The following TRPM3 variants were observed in gnomAD, a reference collection of about 807,000 sequenced individuals.
TRPM3 encodes the protein long transient receptor potential channel 3.
Under a neutral mutation model 181.2 loss-of-function variants are expected in TRPM3, and 77 were observed. The observed-to-expected ratio is 0.42, with a 90% CI of 0.35 to 0.51. The LOEUF (loss-of-function observed/expected upper bound fraction) is 0.51, where lower values mean the gene tolerates loss of function less well. Ranked by LOEUF, TRPM3 falls within the 20% of genes least tolerant of loss-of-function variation. TRPM3 has a pLI of 0.01. For synonymous variants in TRPM3, 745 were observed against 796.4 expected (o/e 0.94, Z 1.09); for missense variants, 1,759 against 2,196.7 (o/e 0.80, Z 3.98).
At chr9:71,046,418 T>A (rs1249519360) in intron 1 of TRPM3, among the ~76,000 whole-genome samples, 1 of 152,160 alleles carries the variant, frequency 6.6e-6, no homozygotes, top group African/African-American at 2.4e-5. Context: ...AACTTTTAAA[T>A]AAGTAAAGGC....
intron 1 of TRPM3, among the ~76,000 whole-genome samples, chr9:71,218,377 G>A (rs1452747871): frequency 2.6e-5 from 4 of 152,158 alleles, no homozygotes; most frequent in African/African-American, 9.7e-5. Context: ...GTATTAGGTA[G>A]ATATATTTTT....
At chr9:70,951,584 C>T (rs1428773256) in intron 1 of TRPM3, among the ~76,000 whole-genome samples, 3 of 152,096 alleles carry the variant, frequency 2.0e-5, no homozygotes, top group African/African-American at 4.8e-5. Context: ...TCAGGTGATC[C>T]GACTGCCTTG....
At chr9:71,336,737 A>T (rs1485490539) in intron 1 of TRPM3, among the ~76,000 whole-genome samples, 2 of 152,216 alleles carry the variant, frequency 1.3e-5, no homozygotes, top group African/African-American at 4.8e-5. Flanking sequence ...ACAGCATGGT[A>T]CTGGTACCAA....
intron 22 of TRPM3, among the ~76,000 whole-genome samples, chr9:70,565,139 T>G (rs2050211740): frequency 1.3e-5 from 2 of 152,214 alleles, no homozygotes; most frequent in African/African-American, 4.8e-5. Context: ...AAATGTATGC[T>G]GCATATGAAC....
At chr9:70,935,269 G>A (rs992581979) in intron 1 of TRPM3, among the ~76,000 whole-genome samples, 1 of 152,096 alleles carries the variant, frequency 6.6e-6, no homozygotes, top group Non-Finnish European at 1.5e-5. Context: ...TGTTTAATGA[G>A]TCTGCCAGTC....
chr9:71,064,211 T>C (rs563159917), intron 1 of TRPM3, among the ~76,000 whole-genome samples: 116 of 152,252 alleles, frequency 7.6e-4, no homozygotes, highest in African/African-American at 2.3e-3. Context: ...GTATTTCTGA[T>C]AGTGATTACA....
intron 10 of TRPM3, among the ~76,000 whole-genome samples, chr9:70,639,907 G>A (rs2057796140): frequency 6.6e-6 from 1 of 152,136 alleles, no homozygotes; most frequent in Non-Finnish European, 1.5e-5. Flanking sequence ...GTAAGATAAG[G>A]CTTGCCGGTG....
At chr9:71,373,564 C>T (rs996542472) in intron 1 of TRPM3, among the ~76,000 whole-genome samples, 2 of 152,142 alleles carry the variant, frequency 1.3e-5, no homozygotes, top group African/African-American at 2.4e-5. Context: ...TACACCCTCC[C>T]ATGACTGAAC....
At chr9:71,165,017 G>T (rs1261921688) in intron 1 of TRPM3, among the ~76,000 whole-genome samples, 1 of 152,112 alleles carries the variant, frequency 6.6e-6, no homozygotes, top group African/African-American at 2.4e-5. Flanking sequence ...TACTAAGTCT[G>T]ATTGATCAAA....
chr9:71,179,328 C>T (rs1201107598), intron 1 of TRPM3, among the ~76,000 whole-genome samples: 1 of 152,132 alleles, frequency 6.6e-6, no homozygotes, highest in Non-Finnish European at 1.5e-5. Context: ...GGCCTCACCA[C>T]TCACGATTGT....
chr9:70,806,287 G>GAA (rs11383596), intron 6 of TRPM3, among the ~76,000 whole-genome samples: 14 of 145,978 alleles, frequency 9.6e-5, no homozygotes, highest in African/African-American at 1.6e-4. Flanking sequence ...TGCCAAAAAA[G>GAA]AAAAAAAAAT....
rs1050753520 is a variant in TRPM3, at chr9:70,807,895, T to G, written c.973+19952A>C. Among the ~76,000 whole-genome samples, 55 of 152,118 alleles carry G rather than the reference T, an allele frequency of 3.6e-4. 4 individuals carry two copies. The highest frequency in any genetic ancestry group is 1.5e-5 in the Non-Finnish European group (1 of 68,024). On this transcript the variant is annotated intron_variant, in intron 6 of 25. Coordinates refer to ENST00000677713, the MANE Select transcript of TRPM3 (RefSeq NM_001366145.2). ...TGGTAAGATTACAGAGAGGAGAAGA[T>G]TTTTAATCTGAGACTTGAAGGAATT... is the stretch of plus-strand genomic sequence containing the variant.
chr9:71,289,003 G>A (rs2085544822), intron 1 of TRPM3, among the ~76,000 whole-genome samples: 1 of 152,102 alleles, frequency 6.6e-6, no homozygotes, highest in African/African-American at 2.4e-5. Flanking sequence ...TTTACACAAT[G>A]TAACTGGCTC....
At chr9:70,869,414 C>T (rs1479197609) in intron 1 of TRPM3, among the ~76,000 whole-genome samples, 1 of 123,228 alleles carries the variant, frequency 8.1e-6, no homozygotes, top group African/African-American at 3.1e-5. Flanking sequence ...GTTCTGAGTT[C>T]TGAAAGTTCA....
intron 1 of TRPM3, among the ~76,000 whole-genome samples, chr9:71,054,815 A>T (rs1383602587): frequency 6.6e-6 from 1 of 152,110 alleles, no homozygotes; most frequent in East Asian, 1.9e-4. Context: ...TCACCTGGTC[A>T]CTAGGGCTTT....
intron 1 of TRPM3, among the ~76,000 whole-genome samples, chr9:71,036,474 T>C (rs1037058231): frequency 1.3e-5 from 2 of 152,240 alleles, no homozygotes; most frequent in African/African-American, 2.4e-5. Flanking sequence ...TTATCTACAC[T>C]GCCTTCTGGT....
intron 5 of TRPM3, among the ~76,000 whole-genome samples, chr9:70,832,316 T>C (rs2093990673): frequency 6.6e-6 from 1 of 152,188 alleles, no homozygotes; most frequent in South Asian, 2.1e-4. Flanking sequence ...GTAGTATGTA[T>C]ATCTAAAAGA....
intron 8 of TRPM3, among the ~76,000 whole-genome samples, chr9:70,683,236 T>G (rs914606934): frequency 8.5e-5 from 13 of 152,180 alleles, no homozygotes; most frequent in African/African-American, 2.6e-4. Flanking sequence ...ACAATTTTTT[T>G]TGAGACAAGG....
intron 1 of TRPM3, among the ~76,000 whole-genome samples, chr9:71,136,814 G>T (rs977446731): frequency 3.3e-5 from 5 of 152,166 alleles, no homozygotes; most frequent in Non-Finnish European, 7.3e-5. Flanking sequence ...CCCTGGAAAA[G>T]GCAAGGAAGG....
Sources: gnomAD v4.1 joint callset for allele counts (sites outside exome capture counted in the v4.1 genomes callset) on GRCh38, gnomAD v4.1.1 for gene constraint, MANE v1.5 for transcripts, NCBI Gene and HGNC (gene_info 2026-07-23, HGNC 2026-07-21) for gene names.